The following SV2B variants were observed in gnomAD, a reference collection of about 807,000 sequenced individuals.
SV2B encodes the protein solute carrier family 22 member B2.
Under a neutral mutation model 73.9 loss-of-function variants are expected in SV2B, and 41 were observed. That is an observed-to-expected ratio of 0.56 (90% CI 0.43 to 0.72). SV2B has a LOEUF of 0.72. Among genes scored for constraint, SV2B ranks in the 30% least tolerant of loss-of-function variants. The pLI is 0.00. For synonymous variants in SV2B, 314 were observed against 314.2 expected, an observed-to-expected ratio of 1.00 and a Z score of 0.01; for missense variants, 764 against 857.8, an observed-to-expected ratio of 0.89 and a Z score of 1.37.
chr15:91,115,371 T>G lies in SV2B; in HGVS notation c.-392+15008T>G, dbSNP rs1240344872. ...TTTGAAAGTGGGCTATTTCTCCATC[T>G]CCCCTTCCTTTTTTTTTTGAAACAG... On this transcript the variant is annotated intron_variant, in intron 1 of 12. Coordinates refer to ENST00000394232, the MANE Select transcript of SV2B (RefSeq NM_001323032.3). This position sits in a 1 kb window ranked among gnomAD's most constrained non-coding sequence, Gnocchi z 4.3. 6.6e-6 allele frequency among the ~76,000 whole-genome samples: 1 copy of G among 151,642 alleles called. No homozygotes were observed. Among genetic ancestry groups the G allele is most frequent in the Non-Finnish European group, 1.5e-5 (1 of 67,914 alleles).
At chr15:91,271,661 A>G (rs988264659) in intron 9 of SV2B, among the ~76,000 whole-genome samples, 11 of 152,206 alleles carry the variant, frequency 7.2e-5, no homozygotes, top group Admixed American at 1.3e-4. Context: ...ACTTGCTTGA[A>G]TAAAAAGGGT....
intron 1 of SV2B, among the ~76,000 whole-genome samples, chr15:91,225,387 T>C (rs565791902): frequency 6.6e-6 from 1 of 152,364 alleles, no homozygotes; most frequent in African/African-American, 2.4e-5. Flanking sequence ...GGCATTTTCG[T>C]AGCAGAAACA....
At chr15:91,201,797 C>A (rs978217224) in intron 1 of SV2B, among the ~76,000 whole-genome samples, 1 of 152,198 alleles carries the variant, frequency 6.6e-6, no homozygotes, top group Non-Finnish European at 1.5e-5. Flanking sequence ...CCACCACTCC[C>A]ATCCCTAACC....
chr15:91,150,219 C>T (rs1430440232), intron 1 of SV2B, among the ~76,000 whole-genome samples: 1 of 151,992 alleles, frequency 6.6e-6, no homozygotes, highest in Admixed American at 6.6e-5. Context: ...GTTGGCCAGG[C>T]TGGTCTCGAA....
intron 11 of SV2B, among the ~76,000 whole-genome samples, chr15:91,286,493 G>C (rs930501347): frequency 6.6e-6 from 1 of 152,184 alleles, no homozygotes; most frequent in South Asian, 2.1e-4. Flanking sequence ...GGGAGGCAAT[G>C]GGAATGCAAC....
chr15:91,287,969 A>T (rs774412948), intron 11 of SV2B, among the ~76,000 whole-genome samples: 12 of 152,162 alleles, frequency 7.9e-5, no homozygotes, highest in Non-Finnish European at 1.5e-4. Context: ...GGATGCAGAC[A>T]TTGCCAGAAA....
chr15:91,166,876 C>T (rs1273736316), intron 1 of SV2B, among the ~76,000 whole-genome samples: 37 of 149,058 alleles, frequency 2.5e-4, no homozygotes, highest in African/African-American at 8.4e-4. Flanking sequence ...TGCAGTGGTG[C>T]GATCTCAGCT....
intron 1 of SV2B, among the ~76,000 whole-genome samples, chr15:91,168,846 C>CT (rs896111720): frequency 2.0e-5 from 3 of 152,152 alleles, no homozygotes; most frequent in African/African-American, 7.2e-5. Flanking sequence ...CTCATTCTAT[C>CT]TTTTCCAGAA....
chr15:91,273,207 G>A (rs1013420333), intron 9 of SV2B, among the ~76,000 whole-genome samples: 2 of 152,218 alleles, frequency 1.3e-5, no homozygotes, highest in South Asian at 2.1e-4. Flanking sequence ...TGCCAGTGGT[G>A]GGCCAGGTCA....
chr15:91,142,340 G>A (rs570987756), intron 1 of SV2B, among the ~76,000 whole-genome samples: 2 of 152,226 alleles, frequency 1.3e-5, no homozygotes, highest in Admixed American at 1.3e-4. Context: ...GCCCCAAGTG[G>A]CATTTCAAGA....
In SV2B at chr15:91,224,406, A is replaced by G. The variant is rs1201862693; in HGVS notation, c.-391-1467A>G. The stretch of plus-strand genomic sequence containing the variant: ...GCAGCTGGGAGCACTGGGGTGGGGT[A>G]GGGGGTGTAGGAGGGGCTGACGCCT... On this transcript the variant is annotated intron_variant, in intron 1 of 12. Coordinates refer to ENST00000394232, the MANE Select transcript of SV2B (RefSeq NM_001323032.3). This position sits in a 1 kb window ranked among gnomAD's most constrained non-coding sequence, Gnocchi z 4.9. Among the ~76,000 whole-genome samples, 2 of 144,864 alleles carry G rather than the reference A, an allele frequency of 1.4e-5. No individual in the cohort carries two copies. Among genetic ancestry groups the G allele is most frequent in the East Asian group, 2.3e-4 (1 of 4,422 alleles).
In SV2B at chr15:91,290,968, C is replaced by G. The variant is rs1049612786; in HGVS notation, c.1868+1288C>G. On this transcript the variant is annotated intron_variant, in intron 12 of 12. Transcript: ENST00000394232. The surrounding 1 kb of genome is among the most constrained non-coding windows in gnomAD (Gnocchi z 4.7). ...TTTCAGGGTTACAGTGAGCTAGGAT[C>G]ACAACACTGCACACCAACCTGGGTG... Among the ~76,000 whole-genome samples the G allele has an allele frequency of 1.3e-5, 2 of 151,942 alleles. No individual in the cohort carries two copies. Among genetic ancestry groups the G allele is most frequent in the African/African-American group, 4.8e-5 (2 of 41,460 alleles).
At chr15:91,260,239 T>A in intron 5 of SV2B, 81 bp from the exon 6 acceptor site, 6 of 1,246,406 alleles carry the variant, frequency 4.8e-6, no homozygotes, top group Non-Finnish European at 5.6e-6. Context: ...TCCCATTGAG[T>A]TTGTAGGATT....
At chr15:91,199,697 G>C (rs1201788805) in intron 1 of SV2B, among the ~76,000 whole-genome samples, 1 of 152,210 alleles carries the variant, frequency 6.6e-6, no homozygotes, top group East Asian at 1.9e-4. Flanking sequence ...TGAGGTTTCA[G>C]TGCCCAGGTG....
At chr15:91,161,262 A>G (rs719987) in intron 1 of SV2B, among the ~76,000 whole-genome samples, 40,151 of 150,198 alleles carry the variant, frequency 0.27, 6,095 homozygotes, top group East Asian at 0.64. Flanking sequence ...GAAATGTATC[A>G]AACCATAAAA....
intron 1 of SV2B, among the ~76,000 whole-genome samples, chr15:91,151,893 G>T (rs1419398474): frequency 6.6e-6 from 1 of 152,058 alleles, no homozygotes; most frequent in East Asian, 1.9e-4. Flanking sequence ...AGATATCAAG[G>T]CTTTTCAGGA....
chr15:91,285,220 A>G (rs1451710519), intron 11 of SV2B, among the ~76,000 whole-genome samples: 1 of 152,220 alleles, frequency 6.6e-6, no homozygotes, highest in Non-Finnish European at 1.5e-5. Context: ...AGTAGCATGC[A>G]TATTCAGCGT....
rs1430194162 is a variant in SV2B at position 91,122,041 on chromosome 15, T to C, written c.-392+21678T>C. Reference sequence around the variant, plus strand: ...CGCCTGCCTTGGCCTCCCAAAGTGCTGGGATTACAGGCGTGAGCCACTGCG... The same window carrying C: ...CGCCTGCCTTGGCCTCCCAAAGTGCCGGGATTACAGGCGTGAGCCACTGCG... On this transcript the variant is annotated intron_variant, in intron 1 of 12. Coordinates refer to ENST00000394232, the MANE Select transcript of SV2B (RefSeq NM_001323032.3). The surrounding 1 kb of genome is among the most constrained non-coding windows in gnomAD (Gnocchi z 4.3). Among the ~76,000 whole-genome samples the C allele has an allele frequency of 1.3e-5, 2 of 152,208 alleles. No individual in the cohort carries two copies. Among genetic ancestry groups the C allele is most frequent in the Admixed American group, 6.5e-5 (1 of 15,278 alleles).
Position 91,235,567 on chromosome 15 carries a change from C to T in SV2B, c.451+8853C>T, listed in dbSNP as rs911680139. ...ACCGGGGGTTAAAAAAAAAATCTCTCGAGGAGAAGTTCTTGCACACAAAAC... is the reference window on the plus strand; with the variant it reads ...ACCGGGGGTTAAAAAAAAAATCTCTTGAGGAGAAGTTCTTGCACACAAAAC... On this transcript the variant is annotated intron_variant, in intron 2 of 12. Coordinates refer to ENST00000394232, the MANE Select transcript of SV2B (RefSeq NM_001323032.3). Among the ~76,000 whole-genome samples the T allele has an allele frequency of 1.1e-4, 16 of 152,228 alleles. 1 individual carries two copies. The highest frequency in any genetic ancestry group is 3.6e-4 in the African/African-American group (15 of 41,560).
Sources: allele counts gnomAD v4.1 joint callset (sites outside exome capture counted in the v4.1 genomes callset), GRCh38; gene constraint gnomAD v4.1.1; non-coding constraint Gnocchi (gnomAD v3.1); transcripts MANE v1.5; gene names NCBI Gene and HGNC (gene_info 2026-07-23, HGNC 2026-07-21).